The following DNM3 variants were observed in gnomAD, a reference collection of about 807,000 sequenced individuals.
DNM3 encodes the protein dynamin 3, also known as dynamin-3.
Under a neutral mutation model 101.6 loss-of-function variants are expected in DNM3, and 47 were observed. That is an observed-to-expected ratio of 0.46 (90% CI 0.37 to 0.59). The LOEUF is 0.59. DNM3 is among the 20% of genes least tolerant of loss of function. DNM3 has a pLI of 0.00. For missense variants in DNM3, 849 were observed against 1,085.7 expected, an observed-to-expected ratio of 0.78 and a Z score of 3.06; for synonymous variants, 385 against 387.9, an observed-to-expected ratio of 0.99 and a Z score of 0.09.
intron 13 of DNM3, among the ~76,000 whole-genome samples, chr1:172,107,000 A>G (rs952032127): frequency 4.7e-5 from 7 of 150,014 alleles, no homozygotes; most frequent in African/African-American, 1.7e-4. Flanking sequence ...AGCTGGGACT[A>G]CAGGCACCCG....
intron 14 of DNM3, among the ~76,000 whole-genome samples, chr1:172,172,090 C>T (rs2058982624): frequency 6.6e-6 from 1 of 151,320 alleles, no homozygotes; most frequent in Non-Finnish European, 1.5e-5. Context: ...GGGAAACAAC[C>T]CTCTGGGATG....
In DNM3 at chr1:172,345,381, A is replaced by G. The variant is rs543924680; in HGVS notation, c.1893+22041A>G. On this transcript the variant is annotated intron_variant, in intron 17 of 20. Transcript: ENST00000627582. ...AGAGACAATAATGTTGGAAGACAAA[A>G]CAGTTCTCAGCCAAGTGAGAATGAA... Among the ~76,000 whole-genome samples the G allele has an allele frequency of 2.6e-5, 4 of 152,342 alleles. No homozygotes were observed. The South Asian group carries it at 8.3e-4, about 32-fold the overall frequency.
intron 15 of DNM3, among the ~76,000 whole-genome samples, chr1:172,281,615 A>G (rs2063493278): frequency 6.6e-6 from 1 of 152,168 alleles, no homozygotes; most frequent in African/African-American, 2.4e-5. Context: ...GTCGTATTTA[A>G]TATAAGTAAT....
intron 1 of DNM3, among the ~76,000 whole-genome samples, chr1:171,874,108 C>T (rs2035546837): frequency 6.6e-6 from 1 of 152,144 alleles, no homozygotes; most frequent in Admixed American, 6.5e-5. Context: ...TAAGTTTTTT[C>T]AATTCCTAAT....
intron 12 of DNM3, among the ~76,000 whole-genome samples, chr1:172,082,341 T>A (rs546165388): frequency 1.3e-4 from 20 of 151,060 alleles, no homozygotes; most frequent in African/African-American, 2.5e-4. Flanking sequence ...TTTTTTTTTT[T>A]AAACTTTGCG....
chr1:171,847,338 T>C (rs1460066643), intron 1 of DNM3, among the ~76,000 whole-genome samples: 13 of 152,184 alleles, frequency 8.5e-5, no homozygotes, highest in Admixed American at 7.9e-4. Flanking sequence ...AAGTAGACAA[T>C]ATATGCATTT....
chr1:171,999,765 G>A (rs980535013), intron 4 of DNM3, among the ~76,000 whole-genome samples: 1 of 152,082 alleles, frequency 6.6e-6, no homozygotes, highest in Non-Finnish European at 1.5e-5. Flanking sequence ...CTTTATAAGA[G>A]AAAAGAGAGA....
intron 13 of DNM3, 88 bp downstream of exon 13, chr1:172,092,963 A>T: frequency 7.9e-7 from 1 of 1,272,114 alleles, no homozygotes; most frequent in East Asian, 2.7e-5. Context: ...AATGCAAATT[A>T]ATCACGTGCA....
chr1:172,319,066 C>G (rs1262517863), intron 16 of DNM3, among the ~76,000 whole-genome samples: 1 of 151,966 alleles, frequency 6.6e-6, no homozygotes, highest in Admixed American at 6.6e-5. Flanking sequence ...CAGAACAGAG[C>G]CCTCAGAAAT....
chr1:172,001,299 C>T (rs748152868), intron 4 of DNM3, among the ~76,000 whole-genome samples: 27 of 151,954 alleles, frequency 1.8e-4, no homozygotes, highest in Non-Finnish European at 3.8e-4. Flanking sequence ...CACTGCTGCT[C>T]AAGGTGCCTA....
At chr1:172,418,364 G>C in exon 21 of DNM3, 1 of 1,273,756 alleles carries the variant, frequency 7.9e-7, no homozygotes, top group Non-Finnish European at 1.0e-6. Context: ...GTCTATCCAT[G>C]GTATTTAAAA....
At chr1:172,164,513 A>T (rs746311960) in intron 14 of DNM3, among the ~76,000 whole-genome samples, 4 of 151,880 alleles carry the variant, frequency 2.6e-5, no homozygotes, top group Non-Finnish European at 4.4e-5. Context: ...AGGCCAGACC[A>T]TGTATCTGGA....
intron 6 of DNM3, among the ~76,000 whole-genome samples, chr1:172,034,250 C>T (rs947938064): frequency 1.3e-5 from 2 of 151,878 alleles, no homozygotes; most frequent in African/African-American, 4.8e-5. Flanking sequence ...TAAAGATAAA[C>T]ATTTGGACAC....
intron 17 of DNM3, among the ~76,000 whole-genome samples, chr1:172,325,289 G>C (rs72721201): frequency 6.6e-6 from 1 of 152,116 alleles, no homozygotes; most frequent in Non-Finnish European, 1.5e-5. Context: ...GAACGCTTGC[G>C]CATGTGCTAT....
At chr1:172,274,233 T>C (rs934585558) in intron 15 of DNM3, among the ~76,000 whole-genome samples, 4 of 152,064 alleles carry the variant, frequency 2.6e-5, no homozygotes, top group African/African-American at 9.7e-5. Context: ...ATTTGTTTAC[T>C]CCCTTTAACT....
intron 1 of DNM3, among the ~76,000 whole-genome samples, chr1:171,911,001 T>A (rs192776805): frequency 6.6e-6 from 1 of 152,298 alleles, no homozygotes; most frequent in Non-Finnish European, 1.5e-5. Context: ...GAGTCAACAC[T>A]GAAGTGTGAA....
intron 16 of DNM3, among the ~76,000 whole-genome samples, chr1:172,313,839 C>A (rs2148886342): frequency 6.6e-6 from 1 of 152,122 alleles, no homozygotes; most frequent in South Asian, 2.1e-4. Flanking sequence ...GATACATGTG[C>A]AGAATGTGCA....
chr1:172,328,035 A>G (rs747556119), intron 17 of DNM3, among the ~76,000 whole-genome samples: 34 of 152,184 alleles, frequency 2.2e-4, no homozygotes, highest in Non-Finnish European at 2.8e-4. Flanking sequence ...AATCTATATT[A>G]TGTTCCCAAA....
At chr1:171,923,798 C>A (rs2040357153) in intron 2 of DNM3, among the ~76,000 whole-genome samples, 1 of 152,086 alleles carries the variant, frequency 6.6e-6, no homozygotes, top group African/African-American at 2.4e-5. Context: ...TAAACGCAGT[C>A]CCCAATAGGT....
Sources: gnomAD v4.1 joint callset for allele counts (sites outside exome capture counted in the v4.1 genomes callset) on GRCh38, gnomAD v4.1.1 for gene constraint, MANE v1.5 for transcripts, NCBI Gene and HGNC (gene_info 2026-07-23, HGNC 2026-07-21) for gene names.